NCAPD3: variants seen among roughly 807,000 people sequenced by gnomAD.
NCAPD3 encodes the protein condensin-2 complex subunit D3.
A neutral mutation model predicts 182.9 loss-of-function variants in NCAPD3; 105 were observed. The observed-to-expected ratio is 0.57, with a 90% CI of 0.49 to 0.68. The LOEUF (loss-of-function observed/expected upper bound fraction) is 0.68. NCAPD3 is among the 30% of genes least tolerant of loss of function. NCAPD3 has a pLI of 0.00. For synonymous variants in NCAPD3, 815 were observed against 679.9 expected (o/e 1.20, Z -3.09); for missense variants, 1,944 against 1,837.0 (o/e 1.06, Z -1.07).
At position 134,204,949 on chromosome 11, in the gene NCAPD3, C is replaced by T; in HGVS notation, c.1039G>A (p.Glu347Lys). The change falls in exon 9 of 35, where the codon GAG (glutamate) becomes AAG (lysine). Residue 347 changes from glutamate to lysine, a missense_variant. This residue lies in a region of NCAPD3 where 1,803 missense variants were observed against 1,674.6 expected (regional missense o/e 1.08). Coordinates refer to ENST00000534548, the MANE Select transcript of NCAPD3 (RefSeq NM_015261.3). The surrounding 1 kb of genome is among the most constrained non-coding windows in gnomAD (Gnocchi z 4.3). ...ATACGGACGACTGGGAATATACTCTCCTTTAATTCATCCACAAGGGCGCTT... is the reference window on the plus strand; with the variant it reads ...ATACGGACGACTGGGAATATACTCTTCTTTAATTCATCCACAAGGGCGCTT... ...FISALVDELKESIFPVVRILL... is the reference protein window; with the variant it reads ...FISALVDELKKSIFPVVRILL... 1 of 1,613,784 alleles carries T rather than the reference C, an allele frequency of 6.2e-7. No individual in the cohort carries two copies. Among genetic ancestry groups the T allele is most frequent in the South Asian group, 1.1e-5 (1 of 91,056 alleles).
chr11:134,202,860 C>T lies in NCAPD3; in HGVS notation c.1571G>A (p.Gly524Glu), dbSNP rs1223446884. 3 of 1,608,956 alleles carry T rather than the reference C, an allele frequency of 1.9e-6. No homozygotes were observed. In the African/African-American group the frequency reaches 4.0e-5, roughly 22 times the overall value. ...ACCACTGCTGTCTATGTTGATCTCCCCTGAGGGTTCGGAACGGTTAGATGT... is the reference window on the plus strand; with the variant it reads ...ACCACTGCTGTCTATGTTGATCTCCTCTGAGGGTTCGGAACGGTTAGATGT... ...RQTSNRSEPS[G>E]EINIDSSGET... The change falls in exon 13 of 35, where the codon GGG becomes GAG. Residue 524 changes from glycine (G) to glutamate (E), a missense_variant. By Grantham distance (98) the Gly-to-Glu change is moderately conservative (BLOSUM62 -2). Transcript: ENST00000534548.
chr11:134,219,822 A>C (rs1170690017), intron 2 of NCAPD3, among the ~76,000 whole-genome samples: 5 of 152,116 alleles, frequency 3.3e-5, no homozygotes, highest in African/African-American at 4.8e-5. Flanking sequence ...TGTGAGACAG[A>C]GTCTTGCTCT....
Position 134,154,485 on chromosome 11 carries a change from C to A in NCAPD3, c.4253-1122G>T, listed in dbSNP as rs553628866. Among the ~76,000 whole-genome samples, 9 of 149,938 alleles carry A rather than the reference C, an allele frequency of 6.0e-5. No homozygotes were observed. The South Asian group carries it at 8.7e-4, about 14-fold the overall frequency. ...ACATTATGCTTCTCTGCACCCCCCCCCCCACCGCCCCATCTGCCTACACAT... is the reference window on the plus strand; with the variant it reads ...ACATTATGCTTCTCTGCACCCCCCCACCCACCGCCCCATCTGCCTACACAT... On this transcript the variant is annotated intron_variant, in intron 32 of 34. Transcript: ENST00000534548.
intron 19 of NCAPD3, chr11:134,183,284 C>G: frequency 2.5e-6 from 1 of 401,862 alleles, no homozygotes; most frequent in South Asian, 1.9e-5. Flanking sequence ...TCCTCCTGAT[C>G]ACTCTTTCCT....
At chr11:134,176,553 GAAC>G (rs758392909) in intron 23 of NCAPD3, among the ~76,000 whole-genome samples, 167 bp from the exon 24 acceptor site, 48 of 152,234 alleles carry the variant, frequency 3.2e-4, no homozygotes, top group Non-Finnish European at 5.4e-4. Flanking sequence ...TGTATGTGCA[GAAC>G]AACATCACCC....
chr11:134,156,981 C>G, intron 32 of NCAPD3, 37 bp downstream of exon 32: 1 of 1,543,502 alleles, frequency 6.5e-7, no homozygotes, highest in Non-Finnish European at 8.9e-7. Flanking sequence ...GCAGGAGAGA[C>G]TGAGGAGAAG....
intron 24 of NCAPD3, among the ~76,000 whole-genome samples, chr11:134,171,215 T>A (rs1268287606): frequency 6.6e-6 from 1 of 152,148 alleles, no homozygotes; most frequent in Non-Finnish European, 1.5e-5. Flanking sequence ...GGATGCGGTC[T>A]ATGGATTTCA....
Position 134,223,927 on chromosome 11 carries a change from G to A in NCAPD3, c.-1C>T, listed in dbSNP as rs950271472. 8 of 1,612,316 alleles carry A rather than the reference G, an allele frequency of 5.0e-6. No individual in the cohort carries two copies. The African/African-American group carries it at 1.1e-4, about 22-fold the overall frequency. ...TACCAAGGCCCCGCAACGCCACCAT[G>A]ATCCCAGGGCACCGGCTCGCCGCCG... On this transcript the variant is annotated 5_prime_UTR_variant, in exon 1 of 35. Coordinates refer to ENST00000534548, the MANE Select transcript of NCAPD3 (RefSeq NM_015261.3).
At chr11:134,183,001 TCAGTGTCTAACCTGAAGA>T in intron 19 of NCAPD3, 1 of 420,984 alleles carries the variant, frequency 2.4e-6, no homozygotes, top group Non-Finnish European at 4.7e-6. Context: ...CTTCCAGCTC[TCAGTGTCTAACCTGAAGA>T]CAGTTCTTGC....
intron 24 of NCAPD3, among the ~76,000 whole-genome samples, chr11:134,174,757 A>G (rs1050682368): frequency 6.6e-6 from 1 of 152,234 alleles, no homozygotes; most frequent in Non-Finnish European, 1.5e-5. Context: ...CAAAGAAATG[A>G]TAAATGTTTG....
At chr11:134,200,866 TATCC>T (rs1461549955) in intron 13 of NCAPD3, among the ~76,000 whole-genome samples, 1 of 152,208 alleles carries the variant, frequency 6.6e-6, no homozygotes, top group Non-Finnish European at 1.5e-5. Flanking sequence ...AAATGTGGTG[TATCC>T]TTATAACTGA....
rs1943285841 is a variant in NCAPD3 at position 134,152,694 on chromosome 11, A to G, written c.*250T>C. 3 of 382,122 alleles carry G rather than the reference A, an allele frequency of 7.9e-6. No individual in the cohort carries two copies. Among genetic ancestry groups the G allele is most frequent in the African/African-American group, 2.1e-5 (1 of 48,550 alleles). 23.7% of individuals were successfully genotyped at this position (382,122 alleles called of 1,614,324 possible). ...GGCTTGACACTTTCAAATGGAATAA[A>G]GTTACAATATTAAACAGATTAGGGT... On this transcript the variant is annotated 3_prime_UTR_variant, in exon 35 of 35. Transcript: ENST00000534548.
chr11:134,206,484 C>T (rs1937618262), intron 8 of NCAPD3, 115 bp downstream of exon 8: 6 of 1,415,446 alleles, frequency 4.2e-6, no homozygotes, highest in East Asian at 2.3e-5. Flanking sequence ...TTTTCACCCC[C>T]AAAACCACCA....
At chr11:134,161,066 G>C (rs1943564130) in intron 28 of NCAPD3, among the ~76,000 whole-genome samples, 8 of 151,620 alleles carry the variant, frequency 5.3e-5, no homozygotes, top group Admixed American at 4.6e-4. Context: ...AGTATAAAAA[G>C]CTATTTGAAA....
intron 25 of NCAPD3, 41 bp from the exon 26 acceptor site, chr11:134,168,643 C>T (rs73731): frequency 0.24 from 380,681 of 1,610,738 alleles, 47,848 homozygotes; most frequent in African/African-American, 0.43. Context: ...CACATGGGCA[C>T]GGGTGTAAGG....
chr11:134,151,358 T>C lies in NCAPD3; in HGVS notation c.*1586A>G, dbSNP rs1181922588. Reference sequence around the variant, plus strand: ...CTTAGCATGCAAGTTCCCTCCATCATTGCCACCTTGGTAGAGAGGGATGGC... The same window carrying C: ...CTTAGCATGCAAGTTCCCTCCATCACTGCCACCTTGGTAGAGAGGGATGGC... On this transcript the variant is annotated 3_prime_UTR_variant, in exon 35 of 35. Coordinates refer to ENST00000534548, the MANE Select transcript of NCAPD3 (RefSeq NM_015261.3). 6.6e-6 allele frequency: 1 copy of C among 152,178 alleles called. No homozygotes were observed. The highest frequency in any genetic ancestry group is 6.5e-5 in the Admixed American group (1 of 15,272). The allele number at this position is 152,178 out of a possible 1,614,324, so 9.4% of individuals were successfully genotyped here.
At chr11:134,197,273 C>CTTTTTTTTTTT (rs35691982) in intron 13 of NCAPD3, among the ~76,000 whole-genome samples, 1 of 111,976 alleles carries the variant, frequency 8.9e-6, no homozygotes, top group African/African-American at 3.5e-5. Flanking sequence ...AGTCTCACAT[C>CTTTTTTTTTTT]TTTTTTTTTT....
At chr11:134,167,488 G>T (rs551585900) in intron 27 of NCAPD3, among the ~76,000 whole-genome samples, 1 of 144,402 alleles carries the variant, frequency 6.9e-6, no homozygotes, top group Admixed American at 6.9e-5. Context: ...GATGAGCTTG[G>T]GGGAGGCGCA....
At chr11:134,219,245 C>G (rs1408655015) in intron 2 of NCAPD3, among the ~76,000 whole-genome samples, 1 of 152,178 alleles carries the variant, frequency 6.6e-6, no homozygotes, top group African/African-American at 2.4e-5. Flanking sequence ...CTGGAACTTT[C>G]CCAACCCTAC....
Sources: gnomAD v4.1 joint callset for allele counts (sites outside exome capture counted in the v4.1 genomes callset) on GRCh38, gnomAD v4.1.1 for gene constraint, gnomAD v4.1.1 regional missense constraint, Gnocchi (gnomAD v3.1) non-coding constraint, MANE v1.5 for transcripts, NCBI Gene and HGNC (gene_info 2026-07-23, HGNC 2026-07-21) for gene names.